Variants in HEXIM1 observed in about 807,000 individuals in gnomAD.
HEXIM1 encodes the protein protein HEXIM1.
Under a neutral mutation model 30.3 loss-of-function variants are expected in HEXIM1, and 1 was observed. The observed-to-expected ratio is 0.03, with a 90% CI of 0.01 to 0.16. HEXIM1 has a LOEUF of 0.16. Ranked by LOEUF, HEXIM1 falls within the 10% of genes least tolerant of loss-of-function variation. The probability of loss-of-function intolerance (pLI) is 1.00; values close to 1 mark genes in which losing one functional copy is unlikely to be tolerated. For synonymous variants in HEXIM1, 245 were observed against 208.3 expected (o/e 1.18, Z -1.52); for missense variants, 391 against 476.4 (o/e 0.82, Z 1.67).
At position 45,150,003 on chromosome 17, in the gene HEXIM1, C is replaced by T; in HGVS notation, c.813C>T (p.Tyr271=). The change falls in exon 1 of 1, where the codon TAC becomes TAT. Residue 271 remains tyrosine, a synonymous_variant. Coordinates refer to ENST00000332499, the MANE Select transcript of HEXIM1 (RefSeq NM_006460.3). ...TGCAGCGGGACTTCTCGGAGACGTACGAGCGGTACCACACGGAGAGCCTGC... is the reference window on the plus strand; with the variant it reads ...TGCAGCGGGACTTCTCGGAGACGTATGAGCGGTACCACACGGAGAGCCTGC... ...EFLQRDFSET[Y]ERYHTESLQN... is the part of the protein sequence containing the mutation. 2 of 1,614,034 alleles carry T rather than the reference C, an allele frequency of 1.2e-6. No individual in the cohort carries two copies. The highest frequency in any genetic ancestry group is 1.7e-6 in the Non-Finnish European group (2 of 1,180,026).
In HEXIM1 at chr17:45,149,103, T is replaced by TC. The variant is rs1475234456; in HGVS notation, c.-88_-87insC. On this transcript the variant is annotated 5_prime_UTR_variant, in exon 1 of 1. Transcript: ENST00000332499. The surrounding 1 kb of genome is among the most constrained non-coding windows in gnomAD (Gnocchi z 5.3). ...AGGACTCTGTTGGACTGTTTTTTTT[T>TC]TCTTTTTCTTTTTTTTAAGAAAAAC... 21 of 1,252,484 alleles carry TC rather than the reference T, an allele frequency of 1.7e-5. No homozygotes were observed. The highest frequency in any genetic ancestry group is 2.2e-5 in the Non-Finnish European group (20 of 925,378). 77.6% of individuals were successfully genotyped at this position (1,252,484 alleles called of 1,614,324 possible).
chr17:45,151,900 TC>T lies in HEXIM1; in HGVS notation c.*1631del, dbSNP rs1168083110. 1 of 167,048 alleles carries T rather than the reference TC, an allele frequency of 6.0e-6. No individual in the cohort carries two copies. Among genetic ancestry groups the T allele is most frequent in the Non-Finnish European group, 1.5e-5 (1 of 68,106 alleles). 10.3% of individuals were successfully genotyped at this position (167,048 alleles called of 1,614,324 possible). On this transcript the variant is annotated 3_prime_UTR_variant, in exon 1 of 1. Transcript: ENST00000332499. ...GGCGATGGTGGAGGTGATAGGGACT[TC>T]AAGAGTAAAATGCACCTTGTATTGC...
rs1286726431 is a variant in HEXIM1, at chr17:45,148,991, T to TACTG, written c.-196_-193dup. The TACTG allele has an allele frequency of 1.7e-6, 1 of 575,220 alleles. No homozygotes were observed. Among genetic ancestry groups the TACTG allele is most frequent in the Non-Finnish European group, 3.0e-6 (1 of 336,578 alleles). The allele number at this position is 575,220 out of a possible 1,614,324, so 35.6% of individuals were successfully genotyped here. On this transcript the variant is annotated 5_prime_UTR_variant, in exon 1 of 1. Transcript: ENST00000332499. ...GCCGCACTGTGGGCGCTTAACCCTT[T>TACTG]ACTGACTTGAGCTCCCCAGATTGCA... is the stretch of plus-strand genomic sequence containing the variant.
chr17:45,151,784 T>A lies in HEXIM1; in HGVS notation c.*1514T>A, dbSNP rs1294367216. ...CTGGGGAGAAGGTTCAAGAGATTCA[T>A]AAGATTGTCAAACTCCTTGAAGGTT... On this transcript the variant is annotated 3_prime_UTR_variant, in exon 1 of 1. Coordinates refer to ENST00000332499, the MANE Select transcript of HEXIM1 (RefSeq NM_006460.3). 6.0e-6 allele frequency: 1 copy of A among 167,084 alleles called. No individual in the cohort carries two copies. The highest frequency in any genetic ancestry group is 2.4e-5 in the African/African-American group (1 of 41,458). The allele number at this position is 167,084 out of a possible 1,614,324, so 10.4% of individuals were successfully genotyped here. A position where few individuals can be genotyped will look rare whatever the true frequency, so the allele number is the denominator to read the frequency against.
rs1000517328 is a variant in HEXIM1 at position 45,148,614 on chromosome 17, C to G, written c.-577C>G. The G allele has an allele frequency of 7.5e-6, 3 of 399,202 alleles. No homozygotes were observed. Among genetic ancestry groups the G allele is most frequent in the African/African-American group, 4.1e-5 (2 of 48,544 alleles). The allele number at this position is 399,202 out of a possible 1,614,324, so 24.7% of individuals were successfully genotyped here. A position where few individuals can be genotyped will look rare whatever the true frequency, so the allele number is the denominator to read the frequency against. The stretch of plus-strand genomic sequence containing the variant: ...AGGAGAACTGAGCAGAGCAGAGCAT[C>G]GAGCCAAAGGGGAGATGAGTTTGTC... On this transcript the variant is annotated 5_prime_UTR_variant, in exon 1 of 1. In the 5' UTR this introduces an upstream ATG that the reference lacks. Transcript: ENST00000332499.
rs536863589 is a variant in HEXIM1, at chr17:45,149,926, G to C, written c.736G>C (p.Gly246Arg). The C allele has an allele frequency of 2.5e-6, 4 of 1,613,902 alleles. No homozygotes were observed. In the Admixed American group the frequency reaches 5.0e-5, roughly 20 times the overall value. The change falls in exon 1 of 1, where the codon GGT becomes CGT. Residue 246 changes from glycine to arginine, a missense_variant. Transcript: ENST00000332499. This position sits in a 1 kb window ranked among gnomAD's most constrained non-coding sequence, Gnocchi z 5.3. ...CGATGACGACTTCATGGAAGAAGGG[G>C]GTGAGGAGGATGGGGGCAGCGATGG... ...TSDDDFMEEG[G>R]EEDGGSDGMG...
Position 45,150,127 on chromosome 17 carries a change from A to C in HEXIM1, c.937A>C (p.Lys313Gln). 1.2e-6 allele frequency: 2 copies of C among 1,613,754 alleles called. No individual in the cohort carries two copies. Among genetic ancestry groups the C allele is most frequent in the Non-Finnish European group, 1.7e-6 (2 of 1,180,024 alleles). ...GAACAACCGGCTGCGGCTGGAGAGC[A>C]AGCGGCTGGGTGGCGACGACGCGCG... ...DENNRLRLES[K>Q]RLGGDDARVR... The change falls in exon 1 of 1, where the codon AAG (lysine) becomes CAG (glutamine). Residue 313 changes from lysine (K) to glutamine (Q), a missense_variant. This residue lies in a region of HEXIM1 where 73 missense variants were observed against 80.9 expected (regional missense o/e 0.90). Transcript: ENST00000332499.
In HEXIM1 at chr17:45,150,284, T is replaced by G. The variant is rs746991291; in HGVS notation, c.*14T>G. On this transcript the variant is annotated 3_prime_UTR_variant, in exon 1 of 1. Coordinates refer to ENST00000332499, the MANE Select transcript of HEXIM1 (RefSeq NM_006460.3). ...TTTGGAGACTAGACTGAAACTTTTT[T>G]GGGGGAGGGGGCAAAGGGGACTTTT... The G allele has an allele frequency of 8.0e-5, 129 of 1,603,100 alleles. 1 individual carries two copies. The highest frequency in any genetic ancestry group is 5.7e-4 in the Admixed American group (34 of 59,418).
rs1385018838 is a variant in HEXIM1 at position 45,148,847 on chromosome 17, T to TA, written c.-343dup. On this transcript the variant is annotated 5_prime_UTR_variant, in exon 1 of 1. Coordinates refer to ENST00000332499, the MANE Select transcript of HEXIM1 (RefSeq NM_006460.3). The stretch of plus-strand genomic sequence containing the variant: ...GGGGCTGGGTTTCACGCACTGGACT[T>TA]ACCCTCATCACCTTGCTCACCAACT... 2.3e-6 allele frequency: 1 copy of TA among 426,942 alleles called. No individual in the cohort carries two copies. The highest frequency in any genetic ancestry group is 4.1e-6 in the Non-Finnish European group (1 of 241,964). The allele number at this position is 426,942 out of a possible 1,614,324, so 26.4% of individuals were successfully genotyped here. A position where few individuals can be genotyped will look rare whatever the true frequency, so the allele number is the denominator to read the frequency against.
In HEXIM1 at chr17:45,150,169, C is replaced by G. The variant is rs755049061; in HGVS notation, c.979C>G (p.Leu327Val). 11 of 1,613,210 alleles carry G rather than the reference C, an allele frequency of 6.8e-6. No individual in the cohort carries two copies. Among genetic ancestry groups the G allele is most frequent in the Admixed American group, 3.3e-5 (2 of 59,978 alleles). Reference sequence around the variant, plus strand: ...CGACGCGCGTGTGCGGGAGCTGGAGCTGGAGCTGGACCGGCTGCGCGCCGA... The same window carrying G: ...CGACGCGCGTGTGCGGGAGCTGGAGGTGGAGCTGGACCGGCTGCGCGCCGA... The part of the protein sequence containing the change: ...GDDARVRELE[L>V]ELDRLRAENL... Residue 327 changes from leucine (L) to valine (V), a missense_variant, in exon 1 of 1, where the codon CTG becomes GTG. Coordinates refer to ENST00000332499, the MANE Select transcript of HEXIM1 (RefSeq NM_006460.3).
Position 45,148,779 on chromosome 17 carries a change from C to G in HEXIM1, c.-412C>G, listed in dbSNP as rs927263412. ...GCAGGGGATTTAACCCTTTGTGGAT[C>G]TGGCCCCTCGGAGGCAGCGTCATCG... On this transcript the variant is annotated 5_prime_UTR_variant, in exon 1 of 1. In the 5' UTR this introduces an upstream ATG that the reference lacks. Coordinates refer to ENST00000332499, the MANE Select transcript of HEXIM1 (RefSeq NM_006460.3). The G allele has an allele frequency of 2.2e-5, 9 of 403,272 alleles. No homozygotes were observed. Among genetic ancestry groups the G allele is most frequent in the Non-Finnish European group, 3.9e-5 (9 of 228,526 alleles). The allele number at this position is 403,272 out of a possible 1,614,324, so 25.0% of individuals were successfully genotyped here.
rs906799451 is a variant in HEXIM1, at chr17:45,151,361, C to T, written c.*1091C>T. On this transcript the variant is annotated 3_prime_UTR_variant, in exon 1 of 1. Transcript: ENST00000332499. ...TGGGTCAAACTAAAATTAGAAATGT[C>T]CCCTCACTGCAGATCAAATGTAAAG... 6.0e-6 allele frequency: 1 copy of T among 166,952 alleles called. No individual in the cohort carries two copies. Among genetic ancestry groups the T allele is most frequent in the Admixed American group, 6.5e-5 (1 of 15,272 alleles). The allele number at this position is 166,952 out of a possible 1,614,324, so 10.3% of individuals were successfully genotyped here. A position where few individuals can be genotyped will look rare whatever the true frequency, so the allele number is the denominator to read the frequency against.
At position 45,151,665 on chromosome 17, in the gene HEXIM1, C is replaced by A. The variant is rs2055548353; in HGVS notation, c.*1395C>A. The A allele has an allele frequency of 6.0e-6, 1 of 167,112 alleles. No homozygotes were observed. Among genetic ancestry groups the A allele is most frequent in the Non-Finnish European group, 1.5e-5 (1 of 68,128 alleles). The allele number at this position is 167,112 out of a possible 1,614,324, so 10.4% of individuals were successfully genotyped here. ...AATTGCGTTGCTCAAATCACTAGCA[C>A]AGAGGTTCCTTAATTTGGGGCCTTA... On this transcript the variant is annotated 3_prime_UTR_variant, in exon 1 of 1. Coordinates refer to ENST00000332499, the MANE Select transcript of HEXIM1 (RefSeq NM_006460.3).
At position 45,149,361 on chromosome 17, in the gene HEXIM1, C is replaced by A; in HGVS notation, c.171C>A (p.Gly57=). 1.9e-6 allele frequency: 3 copies of A among 1,613,464 alleles called. No individual in the cohort carries two copies. Among genetic ancestry groups the A allele is most frequent in the Non-Finnish European group, 2.5e-6 (3 of 1,179,932 alleles). The stretch of plus-strand genomic sequence containing the variant: ...CGAGAGCGTTCCCCCAGTTGGGTGG[C>A]CGTCCGGGGCCGGAGGGGGAAGGGA... The part of the protein sequence containing the change: ...WQSRAFPQLG[G]RPGPEGEGSL... Residue 57 remains glycine (G), a synonymous_variant, in exon 1 of 1, where the codon GGC becomes GGA. Transcript: ENST00000332499. The surrounding 1 kb of genome is among the most constrained non-coding windows in gnomAD (Gnocchi z 5.3).
In HEXIM1 at chr17:45,149,679, T is replaced by C. The variant is rs375900104; in HGVS notation, c.489T>C (p.His163=). 2.1e-4 allele frequency: 334 copies of C among 1,612,150 alleles called. 1 individual carries two copies. The South Asian group carries it at 2.6e-3, about 13-fold the overall frequency. ...GACGCCCGTCCAAGAAGAAGCGGCA[T>C]TGGAAACCGTACTACAAGCTGACCT... The part of the protein sequence containing the change: ...HRRRPSKKKR[H]WKPYYKLTWE... Residue 163 remains histidine (H), a synonymous_variant, in exon 1 of 1, where the codon CAT becomes CAC. Transcript: ENST00000332499. This position sits in a 1 kb window ranked among gnomAD's most constrained non-coding sequence, Gnocchi z 5.3.
rs1334609008 is a variant in HEXIM1 at position 45,150,885 on chromosome 17, C to T, written c.*615C>T. 1 of 167,004 alleles carries T rather than the reference C, an allele frequency of 6.0e-6. No homozygotes were observed. Among genetic ancestry groups the T allele is most frequent in the Non-Finnish European group, 1.5e-5 (1 of 68,126 alleles). 10.3% of individuals were successfully genotyped at this position (167,004 alleles called of 1,614,324 possible). A position where few individuals can be genotyped will look rare whatever the true frequency, so the allele number is the denominator to read the frequency against. On this transcript the variant is annotated 3_prime_UTR_variant, in exon 1 of 1. Coordinates refer to ENST00000332499, the MANE Select transcript of HEXIM1 (RefSeq NM_006460.3). ...TAATTATCTTCAATACTTAAGTGTG[C>T]TTGCTTTCTAGTGCCTTGGTTTTCT...
chr17:45,149,958 A>C lies in HEXIM1; in HGVS notation c.768A>C (p.Gly256=). 6.2e-7 allele frequency: 1 copy of C among 1,613,740 alleles called. No homozygotes were observed. The highest frequency in any genetic ancestry group is 8.5e-7 in the Non-Finnish European group (1 of 1,179,922). ...AGGATGGGGGCAGCGATGGGATGGG[A>C]GGGGACGGCAGCGAGTTTCTGCAGC... ...GEEDGGSDGM[G]GDGSEFLQRD... The change falls in exon 1 of 1, where the codon GGA becomes GGC. Residue 256 remains glycine, a synonymous_variant. Transcript: ENST00000332499. This position sits in a 1 kb window ranked among gnomAD's most constrained non-coding sequence, Gnocchi z 5.3.
In HEXIM1 at chr17:45,150,652, CAT is replaced by C. The variant is rs200818670; in HGVS notation, c.*384_*385del. 1,460 of 181,278 alleles carry C rather than the reference CAT, an allele frequency of 8.1e-3. 17 individuals are homozygous for C. The highest frequency in any genetic ancestry group is 0.033 in the African/African-American group (1,382 of 41,834). The allele number at this position is 181,278 out of a possible 1,614,324, so 11.2% of individuals were successfully genotyped here. A position where few individuals can be genotyped will look rare whatever the true frequency, so the allele number is the denominator to read the frequency against. On this transcript the variant is annotated 3_prime_UTR_variant, in exon 1 of 1. Transcript: ENST00000332499. ...ATAAATTTAATATTTGTAAATGTAA[CAT>C]AGTTTCAGTGTGATTTCTAGAGCTA...
At position 45,151,177 on chromosome 17, in the gene HEXIM1, A is replaced by G. The variant is rs1197547264; in HGVS notation, c.*907A>G. On this transcript the variant is annotated 3_prime_UTR_variant, in exon 1 of 1. Transcript: ENST00000332499. The stretch of plus-strand genomic sequence containing the variant: ...ACTTCTTAGTGCAAGCAATGGTTAG[A>G]TTAATTTGTGAGGCAGCTCTTTAAG... 1 of 167,046 alleles carries G rather than the reference A, an allele frequency of 6.0e-6. No homozygotes were observed. Among genetic ancestry groups the G allele is most frequent in the East Asian group, 1.9e-4 (1 of 5,204 alleles). 10.3% of individuals were successfully genotyped at this position (167,046 alleles called of 1,614,324 possible).
Sources: gnomAD v4.1 joint callset for allele counts on GRCh38, gnomAD v4.1.1 for gene constraint, gnomAD v4.1.1 regional missense constraint, Gnocchi (gnomAD v3.1) non-coding constraint, MANE v1.5 for transcripts, NCBI Gene and HGNC (gene_info 2026-07-23, HGNC 2026-07-21) for gene names.